PAAF1: variants seen among roughly 807,000 people sequenced by gnomAD.
PAAF1 encodes the protein proteasomal ATPase associated factor 1, also known as proteasomal ATPase-associated factor 1.
Under a neutral mutation model 52.8 loss-of-function variants are expected in PAAF1, and 46 were observed. The ratio of observed to expected loss-of-function variants is 0.87; its 90% CI spans 0.69 to 1.11. PAAF1 has a LOEUF of 1.11. PAAF1 is among the 50% of genes most tolerant of loss of function. PAAF1 has a pLI of 0.00. For missense variants in PAAF1, 424 were observed against 477.4 expected, an observed-to-expected ratio of 0.89 and a Z score of 1.04; for synonymous variants, 178 against 172.8, an observed-to-expected ratio of 1.03 and a Z score of -0.24.
At chr11:73,889,340 T>C in intron 3 of PAAF1, 1 of 728,136 alleles carries the variant, frequency 1.4e-6, no homozygotes, top group African/African-American at 1.8e-5. Flanking sequence ...AAACAGTAGA[T>C]CTGTCATTAT....
rs776916751 is a variant in PAAF1 at position 73,900,374 on chromosome 11, A to G, written c.486A>G (p.Ser162=). The G allele has an allele frequency of 1.9e-6, 3 of 1,612,746 alleles. No individual in the cohort carries two copies. The East Asian group carries it at 6.7e-5, about 36-fold the overall frequency. ...GGMDAQLKIW[S]AEDASCVVTF... is the part of the protein sequence containing the mutation. ...TGGATGCCCAGCTGAAGATATGGTCAGCTGAAGATGCTAGCTGCGTGGTGA... is the reference window on the plus strand; with the variant it reads ...TGGATGCCCAGCTGAAGATATGGTCGGCTGAAGATGCTAGCTGCGTGGTGA... Residue 162 remains serine (S), a synonymous_variant, in exon 6 of 12, where the codon TCA becomes TCG. Coordinates refer to ENST00000310571, the MANE Select transcript of PAAF1 (RefSeq NM_025155.3).
At chr11:73,926,584 G>A (rs1950366406) in intron 11 of PAAF1, among the ~76,000 whole-genome samples, 1 of 152,164 alleles carries the variant, frequency 6.6e-6, no homozygotes, top group African/African-American at 2.4e-5. Context: ...TGGTGGGTGT[G>A]TGTAGTCCCA....
chr11:73,896,306 AT>A (rs5792635), intron 4 of PAAF1, among the ~76,000 whole-genome samples: 61,662 of 116,418 alleles, frequency 0.53, 13,598 homozygotes, highest in African/African-American at 0.65. Flanking sequence ...TTTTTTATTT[AT>A]TTTTTTTTTT....
At chr11:73,904,096 A>AT in intron 6 of PAAF1, among the ~76,000 whole-genome samples, 1 of 151,852 alleles carries the variant, frequency 6.6e-6, no homozygotes, top group East Asian at 1.9e-4. Context: ...AAAAAAAAAA[A>AT]GTATATATAT....
At chr11:73,900,197 A>G (rs1260811357) in intron 5 of PAAF1, 73 bp from the exon 6 acceptor site, 1 of 1,470,562 alleles carries the variant, frequency 6.8e-7, no homozygotes, top group Non-Finnish European at 9.2e-7. Flanking sequence ...ATAAGGGACC[A>G]GAGTATGGGA....
intron 4 of PAAF1, among the ~76,000 whole-genome samples, chr11:73,891,896 A>C (rs1949212060): frequency 6.6e-6 from 1 of 152,210 alleles, no homozygotes; most frequent in Non-Finnish European, 1.5e-5. Flanking sequence ...TTGAGGAATA[A>C]TTTTCAAAGG....
chr11:73,896,743 C>T (rs1277860819), intron 4 of PAAF1, among the ~76,000 whole-genome samples: 1 of 152,238 alleles, frequency 6.6e-6, no homozygotes, highest in Non-Finnish European at 1.5e-5. Flanking sequence ...ATCTTTTCCC[C>T]ACCTTTCCCC....
intron 9 of PAAF1, among the ~76,000 whole-genome samples, chr11:73,917,753 T>TATTA (rs902341251): frequency 1.3e-5 from 2 of 151,932 alleles, no homozygotes; most frequent in Non-Finnish European, 2.9e-5. Flanking sequence ...GTACCTATAA[T>TATTA]CCCAGGTACT....
At chr11:73,882,615 T>A (rs546717750) in intron 2 of PAAF1, among the ~76,000 whole-genome samples, 4 of 151,712 alleles carry the variant, frequency 2.6e-5, no homozygotes, top group African/African-American at 9.7e-5. Context: ...CCTGGCTAAT[T>A]TTTTTGAGAC....
intron 10 of PAAF1, 103 bp downstream of exon 10, chr11:73,919,135 A>G: frequency 6.1e-6 from 6 of 987,512 alleles, no homozygotes; most frequent in Non-Finnish European, 7.7e-6. Context: ...ATGGTCCCCC[A>G]TGATTCTTTG....
At chr11:73,896,447 C>A (rs1272387951) in intron 4 of PAAF1, among the ~76,000 whole-genome samples, 2 of 151,096 alleles carry the variant, frequency 1.3e-5, no homozygotes, top group African/African-American at 4.9e-5. Flanking sequence ...ACCCTGCGGC[C>A]TTCCGCAGTG....
At chr11:73,881,108 A>T (rs1948893582) in intron 2 of PAAF1, among the ~76,000 whole-genome samples, 1 of 152,230 alleles carries the variant, frequency 6.6e-6, no homozygotes, top group Non-Finnish European at 1.5e-5. Context: ...TAGTCCACTT[A>T]TTATTACAAG....
At chr11:73,915,181 T>A (rs1250088539) in intron 8 of PAAF1, among the ~76,000 whole-genome samples, 1 of 152,230 alleles carries the variant, frequency 6.6e-6, no homozygotes, top group African/African-American at 2.4e-5. Flanking sequence ...AATGGTCTAC[T>A]GTTTTGTGAT....
In PAAF1 at chr11:73,916,622, A is replaced by G. The variant is rs1950070845; in HGVS notation, c.897A>G (p.Gln299=). The change falls in exon 9 of 12, where the codon CAA becomes CAG. Residue 299 remains glutamine (Q), a synonymous_variant. Coordinates refer to ENST00000310571, the MANE Select transcript of PAAF1 (RefSeq NM_025155.3). ...GCTTCTTGCTATTGGCTGGGACTCAAGATGGAAACATTTATCAGCTGGATG... is the reference window on the plus strand; with the variant it reads ...GCTTCTTGCTATTGGCTGGGACTCAGGATGGAAACATTTATCAGCTGGATG... ...LSGFLLLAGT[Q]DGNIYQLDVR... is the part of the protein sequence containing the mutation. The G allele has an allele frequency of 6.2e-7, 1 of 1,614,142 alleles. No individual in the cohort carries two copies. The highest frequency in any genetic ancestry group is 1.1e-5 in the South Asian group (1 of 91,078).
chr11:73,913,168 C>T (rs565275890), intron 7 of PAAF1, among the ~76,000 whole-genome samples: 167 of 152,316 alleles, frequency 1.1e-3, no homozygotes, highest in Non-Finnish European at 1.7e-3. Context: ...TGAGCCACCG[C>T]ACCTGGCCTG....
intron 1 of PAAF1, 48 bp from the exon 2 acceptor site, chr11:73,878,731 C>T (rs373821773): frequency 1.3e-6 from 2 of 1,571,444 alleles, no homozygotes; most frequent in African/African-American, 2.7e-5. Flanking sequence ...CTATGGGATC[C>T]TATTCAACTT....
chr11:73,885,861 A>G (rs894846089), intron 2 of PAAF1, among the ~76,000 whole-genome samples: 32 of 150,854 alleles, frequency 2.1e-4, no homozygotes, highest in Non-Finnish European at 3.8e-4. Context: ...AAAAAAAAAA[A>G]TCCCTCCCAC....
chr11:73,886,444 G>A (rs1206493402), intron 2 of PAAF1, among the ~76,000 whole-genome samples: 1 of 152,152 alleles, frequency 6.6e-6, no homozygotes, highest in African/African-American at 2.4e-5. Context: ...GGGAGGCTGA[G>A]GCGAGTGGAT....
At chr11:73,887,220 A>C (rs750922728) in intron 2 of PAAF1, 134 bp from the exon 3 acceptor site, 18 of 587,382 alleles carry the variant, frequency 3.1e-5, no homozygotes, top group Admixed American at 6.2e-5. Flanking sequence ...GACTTTTAAC[A>C]CAGGCACCTG....
Sources: gnomAD v4.1 joint callset for allele counts (sites outside exome capture counted in the v4.1 genomes callset) on GRCh38, gnomAD v4.1.1 for gene constraint, MANE v1.5 for transcripts, NCBI Gene and HGNC (gene_info 2026-07-23, HGNC 2026-07-21) for gene names.